Variants in SCN4A observed in about 807,000 individuals in gnomAD.
The protein encoded by SCN4A is sodium channel protein type 4 subunit alpha.
SCN4A carries 83 observed loss-of-function variants against 162.0 expected under a neutral mutation model. The observed-to-expected ratio is 0.51, with a 90% CI of 0.43 to 0.61. The LOEUF (loss-of-function observed/expected upper bound fraction) is 0.61, where lower values mean the gene tolerates loss of function less well. Ranked by LOEUF, SCN4A falls within the 20% of genes least tolerant of loss-of-function variation. The pLI, the probability that SCN4A is intolerant of heterozygous loss-of-function variation, is 0.00. For missense variants in SCN4A, 2,196 were observed against 2,462.5 expected, an observed-to-expected ratio of 0.89 and a Z score of 2.29; for synonymous variants, 944 against 985.1, an observed-to-expected ratio of 0.96 and a Z score of 0.78.
chr17:63,961,331 GT>G lies in SCN4A; in HGVS notation c.1706del (p.Asn569ThrfsTer5). On this transcript the variant is annotated frameshift_variant, in exon 11 of 24. Coordinates refer to ENST00000435607, the MANE Select transcript of SCN4A (RefSeq NM_000334.4). LOFTEE classifies it high-confidence loss of function. ...GGTCCATGACGATCAGGTGGATGAT[GT>G]TCTTGAACTTCAGCCACGGGGCGCA... is the stretch of plus-strand genomic sequence containing the variant. Reference protein sequence around the residue: ...NCCAPWLKFKNIIHLIVMDPF... With the variant: ...NCCAPWLKFKXIIHLIVMDPF... The G allele has an allele frequency of 6.2e-7, 1 of 1,613,888 alleles. No individual in the cohort carries two copies. The highest frequency in any genetic ancestry group is 8.5e-7 in the Non-Finnish European group (1 of 1,179,830).
intron 16 of SCN4A, 35 bp downstream of exon 16, chr17:63,948,576 C>A: frequency 1.3e-6 from 2 of 1,598,112 alleles, no homozygotes; most frequent in Non-Finnish European, 1.7e-6. Flanking sequence ...GGGCCTGGCC[C>A]CTGCCCCTGA....
intron 8 of SCN4A, 64 bp from the exon 9 acceptor site, chr17:63,964,741 C>A: frequency 7.6e-7 from 1 of 1,311,252 alleles, no homozygotes; most frequent in East Asian, 2.5e-5. Flanking sequence ...ACCCAGTGCC[C>A]CTTTCCATAC....
At chr17:63,947,249 C>G in intron 17 of SCN4A, 82 bp from the exon 18 acceptor site, 1 of 1,549,624 alleles carries the variant, frequency 6.5e-7, no homozygotes, top group Non-Finnish European at 8.8e-7. Context: ...TCTTCCTGGA[C>G]TCACAGCTCC....
At chr17:63,943,239 AG>A in intron 22 of SCN4A, 143 bp from the exon 23 acceptor site, 3 of 1,010,478 alleles carry the variant, frequency 3.0e-6, no homozygotes, top group Non-Finnish European at 4.4e-6. Flanking sequence ...AGAGAGAGAA[AG>A]GAGGTGTTGG....
chr17:63,939,639 GCTT>G lies in SCN4A; in HGVS notation c.*1129_*1131del, dbSNP rs1432073915. The G allele has an allele frequency of 6.6e-6, 1 of 152,134 alleles. No homozygotes were observed. Among genetic ancestry groups the G allele is most frequent in the Non-Finnish European group, 1.5e-5 (1 of 68,072 alleles). 9.4% of individuals were successfully genotyped at this position (152,134 alleles called of 1,614,324 possible). On this transcript the variant is annotated 3_prime_UTR_variant, in exon 24 of 24. Coordinates refer to ENST00000435607, the MANE Select transcript of SCN4A (RefSeq NM_000334.4). ...CCCAGAACAGCGATGCAGCAGAAGT[GCTT>G]CTTCAGGCCACAGGAAGTTGGAAGG...
At chr17:63,952,034 A>T in intron 13 of SCN4A, 134 bp from the exon 14 acceptor site, 1 of 608,234 alleles carries the variant, frequency 1.6e-6, no homozygotes, top group Non-Finnish European at 2.9e-6. Flanking sequence ...ACGCCACCTA[A>T]GAGGTGTTCA....
At chr17:63,967,175 T>G (rs890941717) in intron 6 of SCN4A, among the ~76,000 whole-genome samples, 6 of 151,846 alleles carry the variant, frequency 4.0e-5, no homozygotes, top group African/African-American at 1.5e-4. Flanking sequence ...TTTTTTAGAC[T>G]GAGTTTCACT....
At position 63,941,094 on chromosome 17, in the gene SCN4A, A is replaced by T; in HGVS notation, c.5188T>A (p.Cys1730Ser). 1.2e-6 allele frequency: 2 copies of T among 1,613,806 alleles called. No individual in the cohort carries two copies. Among genetic ancestry groups the T allele is most frequent in the Non-Finnish European group, 1.7e-6 (2 of 1,179,834 alleles). ...TTLKRKHEEV[C>S]AIKIQRAYRR... ...TAGGCCCTCTGGATCTTGATGGCGC[A>T]CACCTCCTCGTGCTTCCTCTTGAGG... The change falls in exon 24 of 24, where the codon TGC becomes AGC. Residue 1730 changes from cysteine to serine, a missense_variant. Cys to Ser is a moderately radical substitution (Grantham distance 112). Transcript: ENST00000435607. This position sits in a 1 kb window ranked among gnomAD's most constrained non-coding sequence, Gnocchi z 6.2.
intron 11 of SCN4A, among the ~76,000 whole-genome samples, chr17:63,960,604 G>A (rs566042673): frequency 1.3e-5 from 2 of 152,180 alleles, no homozygotes; most frequent in African/African-American, 2.4e-5. Flanking sequence ...CTCTGGGGCC[G>A]GCAATGAGGT....
Position 63,944,581 on chromosome 17 carries a change from G to C in SCN4A, c.3912+92C>G. Reference sequence around the variant, plus strand: ...CAACAACCTGGTAGGTGCTCAGGCAGCGTTTGTGGGTTTGTGCAATGGAGA... The same window carrying C: ...CAACAACCTGGTAGGTGCTCAGGCACCGTTTGTGGGTTTGTGCAATGGAGA... On this transcript the variant is annotated intron_variant, in intron 21 of 23. Transcript: ENST00000435607. This position sits in a 1 kb window ranked among gnomAD's most constrained non-coding sequence, Gnocchi z 4.3. 7.1e-7 allele frequency: 1 copy of C among 1,405,234 alleles called. No homozygotes were observed. The highest frequency in any genetic ancestry group is 9.7e-7 in the Non-Finnish European group (1 of 1,032,530). The allele number at this position is 1,405,234 out of a possible 1,614,324, so 87.0% of individuals were successfully genotyped here. A position where few individuals can be genotyped will look rare whatever the true frequency, so the allele number is the denominator to read the frequency against.
intron 6 of SCN4A, among the ~76,000 whole-genome samples, chr17:63,967,234 CCT>C (rs1183232206): frequency 2.6e-5 from 4 of 152,024 alleles, no homozygotes; most frequent in African/African-American, 9.7e-5. Context: ...TTCACTGCAA[CCT>C]CTGTCTGCCA....
At chr17:63,960,253 G>T (rs1321378116) in intron 11 of SCN4A, among the ~76,000 whole-genome samples, 1 of 152,248 alleles carries the variant, frequency 6.6e-6, no homozygotes, top group African/African-American at 2.4e-5. Flanking sequence ...CAGGGGGTGG[G>T]CAAGCGGGCA....
In SCN4A at chr17:63,945,459, A is replaced by T; in HGVS notation, c.3621T>A (p.Ser1207=). 1 of 1,613,978 alleles carries T rather than the reference A, an allele frequency of 6.2e-7. No individual in the cohort carries two copies. The highest frequency in any genetic ancestry group is 8.5e-7 in the Non-Finnish European group (1 of 1,179,874). The part of the protein sequence containing the change: ...RFDISEVNNK[S]ECESLMHTGQ... ...CTGTGTGCATGAGGCTCTCGCACTC[A>T]GACTTGTTGTTGACCTCGGAGATGT... Residue 1207 remains serine, a synonymous_variant, in exon 19 of 24, where the codon TCT becomes TCA. Transcript: ENST00000435607. The surrounding 1 kb of genome is among the most constrained non-coding windows in gnomAD (Gnocchi z 4.4).
chr17:63,940,579 C>T lies in SCN4A; in HGVS notation c.*192G>A. The T allele has an allele frequency of 5.1e-6, 3 of 589,948 alleles. No homozygotes were observed. The highest frequency in any genetic ancestry group is 8.3e-6 in the Non-Finnish European group (3 of 360,974). 36.5% of individuals were successfully genotyped at this position (589,948 alleles called of 1,614,324 possible). A position where few individuals can be genotyped will look rare whatever the true frequency, so the allele number is the denominator to read the frequency against. Reference sequence around the variant, plus strand: ...GCATGGAGCCCCTGAGCGCAATTCCCATTTCCCATGGTCTGGGAACGCAGG... The same window carrying T: ...GCATGGAGCCCCTGAGCGCAATTCCTATTTCCCATGGTCTGGGAACGCAGG... On this transcript the variant is annotated 3_prime_UTR_variant, in exon 24 of 24. Transcript: ENST00000435607.
chr17:63,941,511 T>C lies in SCN4A; in HGVS notation c.4771A>G (p.Asn1591Asp). The C allele has an allele frequency of 1.2e-6, 2 of 1,614,152 alleles. No individual in the cohort carries two copies. The highest frequency in any genetic ancestry group is 8.5e-7 in the Non-Finnish European group (1 of 1,180,028). Residue 1591 changes from asparagine to aspartate, a missense_variant, in exon 24 of 24, where the codon AAC (asparagine) becomes GAC (aspartate). Transcript: ENST00000435607. The surrounding 1 kb of genome is among the most constrained non-coding windows in gnomAD (Gnocchi z 6.2). ...YIIISFLIVV[N>D]MYIAIILENF... ...TCCAGGATGATGGCGATGTACATGT[T>C]GACCACGATGAGGAAGGAGATGATG...
intron 10 of SCN4A, among the ~76,000 whole-genome samples, chr17:63,961,845 C>CCCTCAAAGCCCCACCT (rs902128441): frequency 1.2e-4 from 18 of 147,114 alleles, no homozygotes; most frequent in African/African-American, 4.8e-4. Context: ...ACAACCCCGC[C>CCCTCAAAGCCCCACCT]CCTCAAAGCC....
rs982732501 is a variant in SCN4A at position 63,940,609 on chromosome 17, C to G, written c.*162G>C. ...CCCATGGTCTGGGAACGCAGGCGCTCGGGCCTGGGTGTCAGCCCCAGTGTG... is the reference window on the plus strand; with the variant it reads ...CCCATGGTCTGGGAACGCAGGCGCTGGGGCCTGGGTGTCAGCCCCAGTGTG... On this transcript the variant is annotated 3_prime_UTR_variant, in exon 24 of 24. Transcript: ENST00000435607. The G allele has an allele frequency of 2.2e-5, 17 of 776,284 alleles. No individual in the cohort carries two copies. In the African/African-American group the frequency reaches 2.3e-4, roughly 11 times the overall value. The allele number at this position is 776,284 out of a possible 1,614,324, so 48.1% of individuals were successfully genotyped here.
chr17:63,971,477 C>T (rs1262566373), intron 4 of SCN4A, among the ~76,000 whole-genome samples: 1 of 152,158 alleles, frequency 6.6e-6, no homozygotes, highest in Non-Finnish European at 1.5e-5. Flanking sequence ...GATAGCCCGG[C>T]TCACCCAGCA....
At chr17:63,957,897 C>A (rs1185823172) in intron 12 of SCN4A, among the ~76,000 whole-genome samples, 1 of 150,530 alleles carries the variant, frequency 6.6e-6, no homozygotes, top group African/African-American at 2.5e-5. Context: ...CTCAGTTACT[C>A]AGGAGGCTTA....
Sources: gnomAD v4.1 joint callset for allele counts (sites outside exome capture counted in the v4.1 genomes callset) on GRCh38, gnomAD v4.1.1 for gene constraint, Gnocchi (gnomAD v3.1) non-coding constraint, MANE v1.5 for transcripts, NCBI Gene and HGNC (gene_info 2026-07-23, HGNC 2026-07-21) for gene names.